The following RALGPS1 variants were observed in gnomAD, a reference collection of about 807,000 sequenced individuals.
The protein encoded by RALGPS1 is ras-specific guanine nucleotide-releasing factor RalGPS1.
Under a neutral mutation model 78.8 loss-of-function variants are expected in RALGPS1, and 19 were observed. That is an observed-to-expected ratio of 0.24 (90% confidence interval 0.17 to 0.35). The LOEUF (loss-of-function observed/expected upper bound fraction) is 0.35. RALGPS1 is among the 10% of genes least tolerant of loss of function. The pLI is 1.00. For missense variants in RALGPS1, 454 were observed against 688.3 expected, an observed-to-expected ratio of 0.66 and a Z score of 3.81; for synonymous variants, 228 against 256.3, an observed-to-expected ratio of 0.89 and a Z score of 1.06.
intron 8 of RALGPS1, among the ~76,000 whole-genome samples, chr9:127,084,118 G>T (rs1286197570): frequency 6.6e-6 from 1 of 152,066 alleles, no homozygotes; most frequent in Non-Finnish European, 1.5e-5. Flanking sequence ...TAGAGATGGG[G>T]TTCTCACCAT....
intron 1 of RALGPS1, among the ~76,000 whole-genome samples, chr9:126,952,056 C>A (rs1199095867): frequency 6.6e-6 from 1 of 152,210 alleles, no homozygotes; most frequent in Non-Finnish European, 1.5e-5. Flanking sequence ...TGAGTGAACT[C>A]CCATTCACAA....
At chr9:127,189,221 A>G (rs2060884644) in intron 11 of RALGPS1, among the ~76,000 whole-genome samples, 1 of 152,066 alleles carries the variant, frequency 6.6e-6, no homozygotes, top group Non-Finnish European at 1.5e-5. Context: ...CTTAGTATCT[A>G]GGTTTTATTT....
intron 8 of RALGPS1, among the ~76,000 whole-genome samples, chr9:127,077,317 A>G (rs1003896786): frequency 6.6e-6 from 1 of 152,206 alleles, no homozygotes; most frequent in Non-Finnish European, 1.5e-5. Flanking sequence ...AAAGCAGTTC[A>G]TTTTAGAGCA....
chr9:126,946,927 C>T (rs1461341632), intron 1 of RALGPS1, among the ~76,000 whole-genome samples: 1 of 152,086 alleles, frequency 6.6e-6, no homozygotes, highest in African/African-American at 2.4e-5. Flanking sequence ...CTGCAGGCAC[C>T]TTGTTTTGGA....
At chr9:127,137,502 C>T (rs1258957878) in intron 8 of RALGPS1, among the ~76,000 whole-genome samples, 4 of 152,210 alleles carry the variant, frequency 2.6e-5, no homozygotes, top group African/African-American at 7.2e-5. Context: ...GGCAGCAGGC[C>T]GCCAGCTCTA....
rs752999460 is a variant in RALGPS1, at chr9:127,091,772, T to C, written c.610+22416T>C. ...CCATGGTAGCGCCCCAGCCGCAGCT[T>C]ATAATACTCGCTCTCAGGTTCCAGG... On this transcript the variant is annotated intron_variant, in intron 8 of 18. Transcript: ENST00000259351. The surrounding 1 kb of genome is among the most constrained non-coding windows in gnomAD (Gnocchi z 4.3). 5.0e-6 allele frequency: 8 copies of C among 1,614,064 alleles called. No homozygotes were observed. The highest frequency in any genetic ancestry group is 5.9e-6 in the Non-Finnish European group (7 of 1,180,040).
At chr9:127,215,246 G>A (rs531133969) in intron 18 of RALGPS1, among the ~76,000 whole-genome samples, 144 of 152,282 alleles carry the variant, frequency 9.5e-4, no homozygotes, top group Admixed American at 2.8e-3. Context: ...GGAATAATGC[G>A]GCTAGCTAAC....
rs1183719660 is a variant in RALGPS1, at chr9:127,091,361, A to G, written c.610+22005A>G. On this transcript the variant is annotated intron_variant, in intron 8 of 18. Coordinates refer to ENST00000259351, the MANE Select transcript of RALGPS1 (RefSeq NM_014636.3). This position sits in a 1 kb window ranked among gnomAD's most constrained non-coding sequence, Gnocchi z 4.3. ...CCTGGGACAGAAGTGGTGAGGCCACAGCCCAACACATGTCTTTCTGCATTG... is the reference window on the plus strand; with the variant it reads ...CCTGGGACAGAAGTGGTGAGGCCACGGCCCAACACATGTCTTTCTGCATTG... Among the ~76,000 whole-genome samples the G allele has an allele frequency of 6.6e-6, 1 of 152,220 alleles. No homozygotes were observed. Among genetic ancestry groups the G allele is most frequent in the Non-Finnish European group, 1.5e-5 (1 of 68,028 alleles).
intron 8 of RALGPS1, among the ~76,000 whole-genome samples, chr9:127,158,756 C>T (rs548636665): frequency 3.4e-5 from 5 of 146,512 alleles, no homozygotes; most frequent in African/African-American, 1.3e-4. Flanking sequence ...GCATTTGAGG[C>T]TGTGGACTTT....
At chr9:126,994,118 A>T (rs993420986) in intron 4 of RALGPS1, among the ~76,000 whole-genome samples, 2 of 152,202 alleles carry the variant, frequency 1.3e-5, no homozygotes, top group South Asian at 2.1e-4. Context: ...TAAAAATCAG[A>T]GCACCTCTCC....
At chr9:127,177,406 C>T (rs771635124) in intron 11 of RALGPS1, among the ~76,000 whole-genome samples, 2 of 152,226 alleles carry the variant, frequency 1.3e-5, no homozygotes, top group South Asian at 2.1e-4. Context: ...CCATTCAACA[C>T]GCCTGCATGC....
At position 127,166,459 on chromosome 9, in the gene RALGPS1, C is replaced by T. The variant is rs111319034; in HGVS notation, c.748+253C>T. On this transcript the variant is annotated intron_variant, in intron 9 of 18. Coordinates refer to ENST00000259351, the MANE Select transcript of RALGPS1 (RefSeq NM_014636.3). The stretch of plus-strand genomic sequence containing the variant: ...CAGTTTAGTCACTTGTCCACAATCA[C>T]GCGTCTAGTGAGTGGCAGAGCTCAG... 3.9e-5 allele frequency among the ~76,000 whole-genome samples: 6 copies of T among 152,286 alleles called. 1 individual carries two copies. The highest frequency in any genetic ancestry group is 9.6e-5 in the African/African-American group (4 of 41,554).
intron 8 of RALGPS1, chr9:127,088,883 C>T (rs997461198): frequency 3.6e-5 from 58 of 1,599,648 alleles, no homozygotes; most frequent in Admixed American, 1.5e-4. Flanking sequence ...CTGTGGCCAG[C>T]GTGACCAGGG....
chr9:127,063,824 G>C (rs1377303694), intron 7 of RALGPS1, among the ~76,000 whole-genome samples: 1 of 152,010 alleles, frequency 6.6e-6, no homozygotes, highest in African/African-American at 2.4e-5. Context: ...CCATTATCTT[G>C]GCTTTTATTT....
At chr9:127,013,791 G>T (rs369111338) in intron 4 of RALGPS1, among the ~76,000 whole-genome samples, 3 of 151,966 alleles carry the variant, frequency 2.0e-5, no homozygotes, top group Non-Finnish European at 2.9e-5. Flanking sequence ...CTGGCCTCCC[G>T]ACTCACTCTC....
intron 1 of RALGPS1, among the ~76,000 whole-genome samples, 169 bp from the exon 2 acceptor site, chr9:126,962,056 C>A (rs531573528): frequency 6.6e-6 from 1 of 152,116 alleles, no homozygotes; most frequent in African/African-American, 2.4e-5. Flanking sequence ...CTGTACAAGC[C>A]CATCAAACTG....
At chr9:127,103,885 C>A (rs574040805) in intron 8 of RALGPS1, among the ~76,000 whole-genome samples, 12 of 152,148 alleles carry the variant, frequency 7.9e-5, no homozygotes, top group Non-Finnish European at 1.5e-4. Flanking sequence ...CCAGCCTTCC[C>A]GTGGAAGTGT....
At chr9:127,140,398 A>G (rs2057690848) in intron 8 of RALGPS1, among the ~76,000 whole-genome samples, 2 of 152,224 alleles carry the variant, frequency 1.3e-5, no homozygotes, top group African/African-American at 2.4e-5. Flanking sequence ...CCCAGGGGCC[A>G]ACAGCCCCTG....
chr9:126,948,063 G>A (rs1251670230), intron 1 of RALGPS1, among the ~76,000 whole-genome samples: 2 of 152,114 alleles, frequency 1.3e-5, no homozygotes, highest in African/African-American at 2.4e-5. Context: ...GAGTATCTGT[G>A]TGGGTGTGTG....
Sources: gnomAD v4.1 joint callset for allele counts (sites outside exome capture counted in the v4.1 genomes callset) on GRCh38, gnomAD v4.1.1 for gene constraint, Gnocchi (gnomAD v3.1) non-coding constraint, MANE v1.5 for transcripts, NCBI Gene and HGNC (gene_info 2026-07-23, HGNC 2026-07-21) for gene names.